The following SUPT3H variants were observed in gnomAD, a reference collection of about 807,000 sequenced individuals.
The protein encoded by SUPT3H is transcription initiation protein SPT3 homolog.
SUPT3H carries 44 observed loss-of-function variants against 44.3 expected under a neutral mutation model. The ratio of observed to expected loss-of-function variants is 0.99; its 90% CI spans 0.78 to 1.28. The LOEUF is 1.28. Ranked by LOEUF, SUPT3H falls within the 50% of genes most tolerant of loss-of-function variation. The pLI is 0.00. For missense variants in SUPT3H, 380 were observed against 387.1 expected (o/e 0.98, Z 0.15); for synonymous variants, 124 against 125.6 (o/e 0.99, Z 0.09).
chr6:45,027,730 T>A (rs1325278053), intron 3 of SUPT3H, among the ~76,000 whole-genome samples: 1 of 152,174 alleles, frequency 6.6e-6, no homozygotes, highest in Non-Finnish European at 1.5e-5. Flanking sequence ...GCAAGGGAAA[T>A]AAATTTTTAA....
chr6:44,838,398 A>G (rs1322359188), intron 10 of SUPT3H, among the ~76,000 whole-genome samples: 1 of 152,136 alleles, frequency 6.6e-6, no homozygotes, highest in Non-Finnish European at 1.5e-5. Flanking sequence ...TTACAAAATG[A>G]GAATAGAGTG....
chr6:44,944,012 A>C (rs1462042846), intron 9 of SUPT3H, among the ~76,000 whole-genome samples: 6 of 152,150 alleles, frequency 3.9e-5, no homozygotes, highest in Non-Finnish European at 8.8e-5. Flanking sequence ...CTTTTGGCTA[A>C]GATCAAGTGA....
chr6:45,259,832 G>T (rs1421890143), intron 2 of SUPT3H, among the ~76,000 whole-genome samples: 1 of 152,160 alleles, frequency 6.6e-6, no homozygotes, highest in Non-Finnish European at 1.5e-5. Flanking sequence ...TGTTGGAAAT[G>T]ACAGGTTCAT....
chr6:45,170,886 T>C (rs1173947730), intron 2 of SUPT3H, among the ~76,000 whole-genome samples: 1 of 152,178 alleles, frequency 6.6e-6, no homozygotes. Context: ...TTCTGTGATA[T>C]CATAAGCCCA....
chr6:44,977,916 G>T (rs1006536370), intron 6 of SUPT3H, among the ~76,000 whole-genome samples: 1 of 152,062 alleles, frequency 6.6e-6, no homozygotes, highest in African/African-American at 2.4e-5. Flanking sequence ...CTCAGATTGC[G>T]CTACATGCAG....
At chr6:44,982,254 C>T (rs977186882) in intron 6 of SUPT3H, among the ~76,000 whole-genome samples, 7 of 151,972 alleles carry the variant, frequency 4.6e-5, no homozygotes, top group African/African-American at 9.7e-5. Flanking sequence ...GATGGAGTCT[C>T]GCTCTGTCGC....
At chr6:45,093,343 T>C (rs1797385526) in intron 3 of SUPT3H, among the ~76,000 whole-genome samples, 1 of 152,096 alleles carries the variant, frequency 6.6e-6, no homozygotes, top group African/African-American at 2.4e-5. Flanking sequence ...TACAATAAAA[T>C]AATATAAGCA....
chr6:45,019,153 C>A (rs536666007), intron 4 of SUPT3H, among the ~76,000 whole-genome samples: 3 of 152,102 alleles, frequency 2.0e-5, no homozygotes, highest in Non-Finnish European at 2.9e-5. Flanking sequence ...TTGTAGTATT[C>A]TCTGATGGTA....
intron 6 of SUPT3H, among the ~76,000 whole-genome samples, chr6:44,997,940 T>C (rs1293373109): frequency 3.3e-5 from 5 of 151,888 alleles, no homozygotes; most frequent in African/African-American, 9.7e-5. Flanking sequence ...ATGATAGTAA[T>C]ATATTTTCTA....
At chr6:45,066,201 G>A (rs551361683) in intron 3 of SUPT3H, among the ~76,000 whole-genome samples, 1 of 151,226 alleles carries the variant, frequency 6.6e-6, no homozygotes, top group Non-Finnish European at 1.5e-5. Flanking sequence ...CAGAGCCAAA[G>A]ACAAAAACCA....
At chr6:45,238,132 G>A (rs938082196) in intron 2 of SUPT3H, among the ~76,000 whole-genome samples, 3 of 152,058 alleles carry the variant, frequency 2.0e-5, no homozygotes, top group East Asian at 1.9e-4. Flanking sequence ...GAACCTACTC[G>A]TAAAAAAATT....
intron 9 of SUPT3H, among the ~76,000 whole-genome samples, chr6:44,945,728 A>G (rs1410884051): frequency 6.6e-6 from 1 of 152,216 alleles, no homozygotes; most frequent in Non-Finnish European, 1.5e-5. Context: ...AAGATTTAGG[A>G]AAGAAGCCAT....
At chr6:45,304,013 AT>A (rs1298716221) in intron 2 of SUPT3H, among the ~76,000 whole-genome samples, 1 of 152,056 alleles carries the variant, frequency 6.6e-6, no homozygotes, top group African/African-American at 2.4e-5. Context: ...AAATCTTTAA[AT>A]TAAATTTGTT....
intron 2 of SUPT3H, among the ~76,000 whole-genome samples, chr6:45,308,761 A>C (rs1783501338): frequency 6.6e-6 from 1 of 152,042 alleles, no homozygotes; most frequent in Admixed American, 6.5e-5. Context: ...AAATTTAAAA[A>C]AAAAAAAGTC....
In SUPT3H at chr6:45,295,543, A is replaced by C. The variant is rs925238438; in HGVS notation, c.101+69658T>G. 8.7e-5 allele frequency among the ~76,000 whole-genome samples: 13 copies of C among 149,138 alleles called. 1 individual carries two copies. Among genetic ancestry groups the C allele is most frequent in the African/African-American group, 1.5e-4 (6 of 40,674 alleles). ...GCACAGCAAAAAAAAAAAAAAAAAA[A>C]AAAAAAAAAAACAGCAGAGTCAACA... is the stretch of plus-strand genomic sequence containing the variant. On this transcript the variant is annotated intron_variant, in intron 2 of 10. Transcript: ENST00000371459.
intron 11 of SUPT3H, among the ~76,000 whole-genome samples, chr6:44,817,665 C>T (rs1183770098): frequency 6.7e-6 from 1 of 149,366 alleles, no homozygotes; most frequent in African/African-American, 2.5e-5. Flanking sequence ...ATACAAAAAT[C>T]AATTTTATTT....
chr6:44,945,752 A>C (rs982458266), intron 9 of SUPT3H, among the ~76,000 whole-genome samples: 5 of 152,202 alleles, frequency 3.3e-5, no homozygotes, highest in African/African-American at 1.2e-4. Context: ...TATAATATAA[A>C]AGTGCAAGGT....
intron 9 of SUPT3H, among the ~76,000 whole-genome samples, chr6:44,934,156 T>C (rs1244649611): frequency 6.6e-6 from 1 of 152,222 alleles, no homozygotes; most frequent in Non-Finnish European, 1.5e-5. Flanking sequence ...CATTTTTTAC[T>C]CATAATTCTT....
intron 10 of SUPT3H, among the ~76,000 whole-genome samples, chr6:44,908,256 A>G (rs540653040): frequency 4.7e-5 from 7 of 149,168 alleles, no homozygotes; most frequent in African/African-American, 1.5e-4. Context: ...GGTTCACATC[A>G]TTCTCCTGCC....
Sources: allele counts gnomAD v4.1 joint callset (sites outside exome capture counted in the v4.1 genomes callset), GRCh38; gene constraint gnomAD v4.1.1; transcripts MANE v1.5; gene names NCBI Gene and HGNC (gene_info 2026-07-23, HGNC 2026-07-21).